TRPM6: variants seen among roughly 807,000 people sequenced by gnomAD.
TRPM6 encodes the protein channel kinase 2.
TRPM6 carries 111 observed loss-of-function variants against 247.6 expected under a neutral mutation model. The observed-to-expected ratio is 0.45, with a 90% CI of 0.38 to 0.52. The LOEUF (loss-of-function observed/expected upper bound fraction) is 0.52, where lower values mean the gene tolerates loss of function less well. Among genes scored for constraint, TRPM6 ranks in the 20% least tolerant of loss-of-function variants. The probability of loss-of-function intolerance (pLI) is 0.00; values close to 1 mark genes in which losing one functional copy is unlikely to be tolerated. For missense variants in TRPM6, 2,126 were observed against 2,421.5 expected (o/e 0.88, Z 2.56); for synonymous variants, 892 against 853.8 (o/e 1.04, Z -0.78).
Position 74,732,708 on chromosome 9 carries a change from A to G in TRPM6, c.5805T>C (p.Ser1935=). 1 of 1,609,482 alleles carries G rather than the reference A, an allele frequency of 6.2e-7. No homozygotes were observed. Among genetic ancestry groups the G allele is most frequent in the Non-Finnish European group, 8.5e-7 (1 of 1,177,672 alleles). The change falls in exon 37 of 39, where the codon TCT becomes TCC. Residue 1935 remains serine, a synonymous_variant. Transcript: ENST00000360774. ...QGVGENLTDP[S]VIKPEVKQSR... ...ACTGTTTGACTTCAGGTTTTATAACAGATGGATCTGTCAAATTTTCTCCAA... is the reference window on the plus strand; with the variant it reads ...ACTGTTTGACTTCAGGTTTTATAACGGATGGATCTGTCAAATTTTCTCCAA...
chr9:74,869,793 C>A (rs1039827714), intron 1 of TRPM6, among the ~76,000 whole-genome samples: 1 of 151,972 alleles, frequency 6.6e-6, no homozygotes, highest in African/African-American at 2.4e-5. Context: ...CTGTAGAGAT[C>A]TCGGAGAGCG....
chr9:74,835,919 G>A (rs1372659487), intron 5 of TRPM6, among the ~76,000 whole-genome samples: 3 of 152,042 alleles, frequency 2.0e-5, no homozygotes, highest in Non-Finnish European at 4.4e-5. Flanking sequence ...CAGGAGACTG[G>A]TACATCTGTT....
Position 74,762,965 on chromosome 9 carries a change from C to A in TRPM6, c.3706G>T (p.Ala1236Ser). The A allele has an allele frequency of 6.2e-7, 1 of 1,609,712 alleles. No homozygotes were observed. The highest frequency in any genetic ancestry group is 1.1e-5 in the South Asian group (1 of 90,830). The change falls in exon 26 of 39, where the codon GCT (alanine) becomes TCT (serine). Residue 1236 changes from alanine to serine, a missense_variant. Physicochemically the swap from Ala to Ser is moderately conservative, Grantham distance 99. Coordinates refer to ENST00000360774, the MANE Select transcript of TRPM6 (RefSeq NM_017662.5). ...SAVDTLQEDE[A>S]LLAKRKHSTC... ...GAATGCTTTCTCTTGGCCAGGAGAG[C>A]CTCATCCTCTTGCAAAGTGTCAACA...
intron 38 of TRPM6, among the ~76,000 whole-genome samples, chr9:74,725,668 G>T (rs561598012): frequency 4.6e-5 from 7 of 152,260 alleles, no homozygotes; most frequent in African/African-American, 1.4e-4. Context: ...CTCTCTCTTT[G>T]CCTGCTGCCA....
chr9:74,832,169 C>T (rs1829569430), intron 6 of TRPM6, among the ~76,000 whole-genome samples: 1 of 152,136 alleles, frequency 6.6e-6, no homozygotes, highest in South Asian at 2.1e-4. Flanking sequence ...ACATGCTAAA[C>T]ACCACTACAA....
chr9:74,749,872 T>C (rs151157462), intron 30 of TRPM6, among the ~76,000 whole-genome samples: 9 of 152,298 alleles, frequency 5.9e-5, no homozygotes, highest in African/African-American at 1.7e-4. Context: ...AGACCATCTC[T>C]AAACAGAGCT....
intron 7 of TRPM6, among the ~76,000 whole-genome samples, chr9:74,825,119 G>A (rs772765128): frequency 6.6e-5 from 10 of 152,154 alleles, no homozygotes; most frequent in Non-Finnish European, 8.8e-5. Flanking sequence ...AAAATTAGCC[G>A]GGTGTGGTGG....
chr9:74,743,939 G>A (rs1825946619), intron 32 of TRPM6, among the ~76,000 whole-genome samples, 156 bp downstream of exon 32: 1 of 152,222 alleles, frequency 6.6e-6, no homozygotes, highest in Non-Finnish European at 1.5e-5. Context: ...CAATGGCAAA[G>A]TTAGAAATTG....
In TRPM6 at chr9:74,724,533, A is replaced by G. The variant is rs1377214484; in HGVS notation, c.*80T>C. 3 of 1,603,292 alleles carry G rather than the reference A, an allele frequency of 1.9e-6. No homozygotes were observed. The highest frequency in any genetic ancestry group is 2.2e-5 in the South Asian group (2 of 90,766). On this transcript the variant is annotated 3_prime_UTR_variant, in exon 39 of 39. Transcript: ENST00000360774. Reference sequence around the variant, plus strand: ...TCCCAAGGAGACGCTGATGTAATCAACATCACGTTGATCAATCTATGTTAT... The same window carrying G: ...TCCCAAGGAGACGCTGATGTAATCAGCATCACGTTGATCAATCTATGTTAT...
At chr9:74,809,890 G>A (rs1488800486) in intron 13 of TRPM6, among the ~76,000 whole-genome samples, 1 of 134,030 alleles carries the variant, frequency 7.5e-6, no homozygotes, top group Non-Finnish European at 1.5e-5. Flanking sequence ...TGAGGCAGGA[G>A]AATCACTTGA....
intron 17 of TRPM6, among the ~76,000 whole-genome samples, chr9:74,798,674 G>A (rs1828187630): frequency 6.6e-6 from 1 of 152,068 alleles, no homozygotes; most frequent in East Asian, 1.9e-4. Flanking sequence ...AGCCTAGCCA[G>A]GACATCTCAC....
intron 1 of TRPM6, among the ~76,000 whole-genome samples, chr9:74,886,988 A>G (rs1243395197): frequency 6.6e-6 from 1 of 152,172 alleles, no homozygotes; most frequent in Non-Finnish European, 1.5e-5. Flanking sequence ...TTTTTCATAC[A>G]CAGTGTGAGA....
chr9:74,775,783 C>T (rs1827195770), intron 24 of TRPM6, 100 bp downstream of exon 24: 5 of 1,199,968 alleles, frequency 4.2e-6, no homozygotes, highest in Non-Finnish European at 6.2e-6. Flanking sequence ...ACTCCCAGAG[C>T]CCCACAGTGC....
intron 9 of TRPM6, among the ~76,000 whole-genome samples, chr9:74,817,364 A>AT (rs1255568412): frequency 4.6e-5 from 7 of 151,880 alleles, no homozygotes; most frequent in Non-Finnish European, 1.0e-4. Flanking sequence ...TCTTTTCTTA[A>AT]TTTTTTGTAG....
chr9:74,874,848 C>T (rs1001649917), intron 1 of TRPM6, among the ~76,000 whole-genome samples: 2 of 151,532 alleles, frequency 1.3e-5, no homozygotes, highest in South Asian at 4.2e-4. Context: ...CTCCACCTCC[C>T]GAGTTCAAGT....
chr9:74,733,109 G>A (rs1360885834), intron 36 of TRPM6, among the ~76,000 whole-genome samples: 3 of 151,770 alleles, frequency 2.0e-5, no homozygotes, highest in South Asian at 2.1e-4. Context: ...CAGAAGAATC[G>A]TTTGAACCAT....
rs767479372 is a variant in TRPM6, at chr9:74,761,680, A to G, written c.4785+16T>C. The G allele has an allele frequency of 4.0e-6, 6 of 1,508,656 alleles. No homozygotes were observed. In the South Asian group the frequency reaches 4.5e-5, roughly 11 times the overall value. 93.5% of individuals were successfully genotyped at this position (1,508,656 alleles called of 1,614,324 possible). On this transcript the variant is annotated intron_variant, in intron 27 of 38. Coordinates refer to ENST00000360774, the MANE Select transcript of TRPM6 (RefSeq NM_017662.5). The stretch of plus-strand genomic sequence containing the variant: ...GACTGCTCAAAACCTAAAAGACAGA[A>G]TAACAGTACACTTACTGGCACCTGG...
intron 27 of TRPM6, among the ~76,000 whole-genome samples, chr9:74,757,563 C>CAAA (rs1176496033): frequency 5.6e-5 from 3 of 54,026 alleles, no homozygotes; most frequent in African/African-American, 6.2e-5. Context: ...GAGACCCTGT[C>CAAA]AAAAAAAAAA....
chr9:74,726,513 A>G (rs1185036794), intron 38 of TRPM6, among the ~76,000 whole-genome samples: 3 of 152,328 alleles, frequency 2.0e-5, no homozygotes, highest in Admixed American at 2.0e-4. Context: ...TCTGTCTCAA[A>G]AAAACAAACA....
Sources: gnomAD v4.1 joint callset for allele counts (sites outside exome capture counted in the v4.1 genomes callset) on GRCh38, gnomAD v4.1.1 for gene constraint, MANE v1.5 for transcripts, NCBI Gene and HGNC (gene_info 2026-07-23, HGNC 2026-07-21) for gene names.